ANTXR1: variants seen among roughly 807,000 people sequenced by gnomAD.
ANTXR1 encodes ANTXR cell adhesion molecule 1.
A neutral mutation model predicts 78.1 loss-of-function variants in ANTXR1; 19 were observed. The ratio of observed to expected loss-of-function variants is 0.24; its 90% CI spans 0.17 to 0.36. The LOEUF (loss-of-function observed/expected upper bound fraction) is 0.36, where lower values mean the gene tolerates loss of function less well. Ranked by LOEUF, ANTXR1 falls within the 10% of genes least tolerant of loss-of-function variation. The pLI is 1.00. For missense variants in ANTXR1, 518 were observed against 718.6 expected (o/e 0.72, Z 3.19); for synonymous variants, 273 against 260.5 (o/e 1.05, Z -0.46).
chr2:69,114,949 AG>A (rs1672094588), intron 10 of ANTXR1, among the ~76,000 whole-genome samples: 1 of 152,236 alleles, frequency 6.6e-6, no homozygotes, highest in African/African-American at 2.4e-5. Flanking sequence ...TTATATCTGT[AG>A]GCCCCTCTAC....
intron 10 of ANTXR1, among the ~76,000 whole-genome samples, chr2:69,107,777 C>T (rs991855754): frequency 6.6e-6 from 1 of 151,994 alleles, no homozygotes; most frequent in Non-Finnish European, 1.5e-5. Context: ...TTACTGATGC[C>T]AAGAAGATAT....
chr2:69,023,472 T>C (rs1045629401), intron 1 of ANTXR1, among the ~76,000 whole-genome samples: 1 of 145,364 alleles, frequency 6.9e-6, no homozygotes, highest in Non-Finnish European at 1.5e-5. Flanking sequence ...ATGGTGGTGG[T>C]AGTGATGATG....
chr2:69,183,616 T>C (rs10183190), intron 16 of ANTXR1, among the ~76,000 whole-genome samples: 81,766 of 135,886 alleles, frequency 0.6, 26,779 homozygotes, highest in African/African-American at 0.85. Flanking sequence ...CGGATTTCAC[T>C]ATGTTGCCCA....
intron 16 of ANTXR1, among the ~76,000 whole-genome samples, chr2:69,185,488 T>C (rs1674394507): frequency 6.7e-6 from 1 of 149,958 alleles, no homozygotes; most frequent in Non-Finnish European, 1.5e-5. Context: ...TGCAGTGAGC[T>C]GAGACTGTGC....
At chr2:69,059,572 T>C (rs1260277647) in intron 3 of ANTXR1, among the ~76,000 whole-genome samples, 2 of 152,126 alleles carry the variant, frequency 1.3e-5, no homozygotes, top group Non-Finnish European at 2.9e-5. Context: ...TCCGTCTCCC[T>C]GGTTCAAGTG....
At chr2:69,209,004 G>C (rs1639775570) in intron 17 of ANTXR1, among the ~76,000 whole-genome samples, 1 of 152,182 alleles carries the variant, frequency 6.6e-6, no homozygotes. Context: ...TCAGGCTCCA[G>C]TGATCCTCCT....
At chr2:69,144,337 TTC>T (rs1431109377) in intron 12 of ANTXR1, among the ~76,000 whole-genome samples, 1 of 152,210 alleles carries the variant, frequency 6.6e-6, no homozygotes, top group African/African-American at 2.4e-5. Context: ...TCTCTGCTGT[TTC>T]TCTCTCACCA....
At chr2:69,085,878 C>T (rs1032828267) in intron 8 of ANTXR1, among the ~76,000 whole-genome samples, 3 of 152,190 alleles carry the variant, frequency 2.0e-5, no homozygotes, top group East Asian at 1.9e-4. Flanking sequence ...CTAACTTAAA[C>T]GTTCAGGTTT....
chr2:69,081,763 C>T (rs1431675240), intron 8 of ANTXR1, among the ~76,000 whole-genome samples: 2 of 152,194 alleles, frequency 1.3e-5, no homozygotes, highest in African/African-American at 4.8e-5. Flanking sequence ...TTTTTCCTAC[C>T]TCTATTTTCT....
chr2:69,044,210 C>T (rs992046767), intron 2 of ANTXR1, among the ~76,000 whole-genome samples: 3 of 152,168 alleles, frequency 2.0e-5, no homozygotes, highest in Non-Finnish European at 2.9e-5. Flanking sequence ...AGCACATTCT[C>T]TCCTTATAGG....
chr2:69,136,961 T>C (rs986776941), intron 12 of ANTXR1, among the ~76,000 whole-genome samples: 2 of 152,174 alleles, frequency 1.3e-5, no homozygotes, highest in Non-Finnish European at 2.9e-5. Context: ...GAGAAATCAT[T>C]GATCAAGAGA....
intron 16 of ANTXR1, among the ~76,000 whole-genome samples, chr2:69,190,246 A>G (rs1255948076): frequency 6.6e-6 from 1 of 152,230 alleles, no homozygotes; most frequent in African/African-American, 2.4e-5. Flanking sequence ...ATGAGTGTCA[A>G]GGCATTTGGC....
At chr2:69,208,555 A>G (rs1283417099) in intron 17 of ANTXR1, among the ~76,000 whole-genome samples, 1 of 152,250 alleles carries the variant, frequency 6.6e-6, no homozygotes, top group Admixed American at 6.5e-5. Flanking sequence ...AAGATATATT[A>G]GTAAAGTTAA....
At chr2:69,020,275 T>C (rs1363536728) in intron 1 of ANTXR1, among the ~76,000 whole-genome samples, 1 of 152,222 alleles carries the variant, frequency 6.6e-6, no homozygotes, top group Non-Finnish European at 1.5e-5. Context: ...TTTTAAATGC[T>C]CCTCTAATTA....
At chr2:69,238,796 T>C (rs968187520) in intron 17 of ANTXR1, among the ~76,000 whole-genome samples, 2 of 152,354 alleles carry the variant, frequency 1.3e-5, no homozygotes, top group Admixed American at 6.5e-5. Flanking sequence ...ATTATTTTAG[T>C]GTTCTTCCTG....
At chr2:69,117,276 A>G (rs1459532359) in intron 10 of ANTXR1, among the ~76,000 whole-genome samples, 1 of 152,196 alleles carries the variant, frequency 6.6e-6, no homozygotes, top group Non-Finnish European at 1.5e-5. Context: ...TGGGCAAGCT[A>G]TTTCAACAAA....
chr2:69,121,444 T>A (rs1672343679), intron 10 of ANTXR1, among the ~76,000 whole-genome samples: 1 of 152,154 alleles, frequency 6.6e-6, no homozygotes, highest in African/African-American at 2.4e-5. Flanking sequence ...CTCCCTAACT[T>A]TTCACCACTT....
chr2:69,033,164 G>A (rs1671579261), intron 1 of ANTXR1, among the ~76,000 whole-genome samples: 1 of 152,232 alleles, frequency 6.6e-6, no homozygotes, highest in African/African-American at 2.4e-5. Flanking sequence ...ACAGACAGGA[G>A]CAGAGCGGGC....
chr2:69,115,045 A>G (rs573275646), intron 10 of ANTXR1, among the ~76,000 whole-genome samples: 7 of 151,914 alleles, frequency 4.6e-5, no homozygotes, highest in Admixed American at 4.6e-4. Flanking sequence ...TGGGCTGGAT[A>G]ATTTATAGCT....
Sources: allele counts gnomAD v4.1 joint callset (sites outside exome capture counted in the v4.1 genomes callset), GRCh38; gene constraint gnomAD v4.1.1; transcripts MANE v1.5; gene names NCBI Gene and HGNC (gene_info 2026-07-23, HGNC 2026-07-21).